CFAP61: variants seen among roughly 807,000 people sequenced by gnomAD.
The protein encoded by CFAP61 is cilia- and flagella-associated protein 61.
A neutral mutation model predicts 135.6 loss-of-function variants in CFAP61; 107 were observed. The ratio of observed to expected loss-of-function variants is 0.79; its 90% CI spans 0.67 to 0.93. The LOEUF is 0.93. CFAP61 is among the 40% of genes least tolerant of loss of function. CFAP61 has a pLI of 0.00. For missense variants in CFAP61, 1,507 were observed against 1,556.2 expected, an observed-to-expected ratio of 0.97 and a Z score of 0.53; for synonymous variants, 575 against 578.5, an observed-to-expected ratio of 0.99 and a Z score of 0.09.
intron 9 of CFAP61, among the ~76,000 whole-genome samples, chr20:20,152,131 GGAGA>G (rs1428712986): frequency 6.6e-6 from 1 of 152,088 alleles, no homozygotes; most frequent in African/African-American, 2.4e-5. Flanking sequence ...CATAAATGAA[GGAGA>G]GAGAAAGTGT....
chr20:20,083,090 C>T (rs1349096349), intron 6 of CFAP61, among the ~76,000 whole-genome samples: 1 of 152,174 alleles, frequency 6.6e-6, no homozygotes, highest in Non-Finnish European at 1.5e-5. Flanking sequence ...TGGAACCAAC[C>T]TAAGTGCCCA....
intron 8 of CFAP61, among the ~76,000 whole-genome samples, chr20:20,102,901 T>A (rs981683882): frequency 6.6e-6 from 1 of 152,186 alleles, no homozygotes; most frequent in Non-Finnish European, 1.5e-5. Context: ...CATTCTTAAA[T>A]GAATCCAGAG....
At chr20:20,327,427 T>C (rs1268655755) in intron 25 of CFAP61, among the ~76,000 whole-genome samples, 8 of 152,136 alleles carry the variant, frequency 5.3e-5, no homozygotes, top group Non-Finnish European at 2.9e-5. Context: ...ATTAGGAACA[T>C]TAATGCACCT....
intron 8 of CFAP61, among the ~76,000 whole-genome samples, chr20:20,124,766 A>C (rs1057497097): frequency 6.6e-6 from 1 of 151,736 alleles, no homozygotes; most frequent in East Asian, 1.9e-4. Flanking sequence ...TTCTTTCTCT[A>C]TCTTGTGGAA....
chr20:20,125,783 C>T (rs988486062), intron 8 of CFAP61, among the ~76,000 whole-genome samples: 6 of 151,752 alleles, frequency 4.0e-5, no homozygotes, highest in Non-Finnish European at 8.8e-5. Context: ...GACTTTTTGT[C>T]TTGATGACCT....
intron 8 of CFAP61, among the ~76,000 whole-genome samples, chr20:20,120,715 A>T (rs2049544319): frequency 6.6e-6 from 1 of 152,200 alleles, no homozygotes; most frequent in Non-Finnish European, 1.5e-5. Context: ...TCTGTCTACT[A>T]CTGAGAGTGG....
At chr20:20,171,576 GT>G (rs2054226746) in intron 13 of CFAP61, among the ~76,000 whole-genome samples, 1 of 152,104 alleles carries the variant, frequency 6.6e-6, no homozygotes, top group Admixed American at 6.5e-5. Context: ...TTTCGTTCAT[GT>G]TTTTGTTGTT....
rs2050750021 is a variant in CFAP61 at position 20,249,870 on chromosome 20, T to A, written c.2160-1725T>A. 3.3e-5 allele frequency among the ~76,000 whole-genome samples: 5 copies of A among 152,222 alleles called. No homozygotes were observed. The South Asian group carries it at 8.3e-4, about 25-fold the overall frequency. Reference sequence around the variant, plus strand: ...TCGTGGATGGCTTAGAGTAGGGATCTGGAGCAGATAAAAAACAATCTTTCA... The same window carrying A: ...TCGTGGATGGCTTAGAGTAGGGATCAGGAGCAGATAAAAAACAATCTTTCA... On this transcript the variant is annotated intron_variant, in intron 19 of 26. Transcript: ENST00000245957.
At chr20:20,111,711 T>C (rs2048813678) in intron 8 of CFAP61, among the ~76,000 whole-genome samples, 1 of 152,182 alleles carries the variant, frequency 6.6e-6, no homozygotes. Flanking sequence ...ATAAGATATT[T>C]CATTTCTGTT....
At chr20:20,212,896 C>A (rs2047756020) in intron 17 of CFAP61, among the ~76,000 whole-genome samples, 3 of 152,194 alleles carry the variant, frequency 2.0e-5, no homozygotes, top group Admixed American at 6.5e-5. Context: ...AGGCACATCC[C>A]TGCCACATAG....
chr20:20,138,698 A>G (rs1219759651), intron 8 of CFAP61, among the ~76,000 whole-genome samples: 3 of 152,224 alleles, frequency 2.0e-5, no homozygotes, highest in Admixed American at 6.5e-5. Flanking sequence ...GGTTCTTATG[A>G]AGGTGCTTTG....
intron 23 of CFAP61, among the ~76,000 whole-genome samples, chr20:20,289,561 G>A (rs1380745053): frequency 6.6e-6 from 1 of 152,150 alleles, no homozygotes; most frequent in Non-Finnish European, 1.5e-5. Context: ...TCCCTTCCTG[G>A]AGGTTTATAG....
chr20:20,123,772 A>G (rs984001180), intron 8 of CFAP61, among the ~76,000 whole-genome samples: 11 of 151,474 alleles, frequency 7.3e-5, no homozygotes, highest in Non-Finnish European at 1.2e-4. Context: ...GTGAAGAATG[A>G]TGGTGGTATT....
chr20:20,091,080 C>T, intron 7 of CFAP61, 104 bp downstream of exon 7: 2 of 1,319,828 alleles, frequency 1.5e-6, no homozygotes, highest in South Asian at 1.3e-5. Flanking sequence ...CCATTGTCTC[C>T]CTGGCCACCC....
At chr20:20,259,013 G>A (rs1368358464) in intron 20 of CFAP61, among the ~76,000 whole-genome samples, 1 of 152,090 alleles carries the variant, frequency 6.6e-6, no homozygotes, top group Admixed American at 6.5e-5. Context: ...TCCCTTTCTT[G>A]TTGCTTCCCT....
intron 8 of CFAP61, among the ~76,000 whole-genome samples, chr20:20,108,357 A>G (rs552314923): frequency 5.9e-5 from 9 of 152,214 alleles, no homozygotes; most frequent in Non-Finnish European, 1.0e-4. Flanking sequence ...TAATCATAAT[A>G]CTAAAAATGA....
chr20:20,320,327 T>TG (rs1377395474), intron 25 of CFAP61, among the ~76,000 whole-genome samples: 1 of 95,056 alleles, frequency 1.1e-5, no homozygotes, highest in Non-Finnish European at 2.0e-5. Context: ...TATATAGATA[T>TG]ATATATATTA....
At chr20:20,283,256 T>C (rs2054334148) in intron 22 of CFAP61, among the ~76,000 whole-genome samples, 1 of 152,234 alleles carries the variant, frequency 6.6e-6, no homozygotes, top group African/African-American at 2.4e-5. Flanking sequence ...ATAGTTGTTA[T>C]ATCTGCCTTG....
chr20:20,298,383 A>T lies in CFAP61; in HGVS notation c.3419A>T (p.Tyr1140Phe), dbSNP rs1490771531. 1.9e-6 allele frequency: 3 copies of T among 1,613,052 alleles called. No individual in the cohort carries two copies. The Admixed American group carries it at 5.0e-5, about 27-fold the overall frequency. Reference sequence around the variant, plus strand: ...GATGAAAACCTGATCACAGATCTCTATAGGTGAGTTGGACATTGCATTTGA... The same window carrying T: ...GATGAAAACCTGATCACAGATCTCTTTAGGTGAGTTGGACATTGCATTTGA... Reference protein sequence around the residue: ...RYDENLITDLYSYFTEPWCLA... With the variant: ...RYDENLITDLFSYFTEPWCLA... The change falls in exon 25 of 27, where the codon TAT becomes TTT. Residue 1140 changes from tyrosine to phenylalanine, a missense_variant. Tyr to Phe is a conservative substitution (Grantham distance 22). Transcript: ENST00000245957.
Sources: allele counts gnomAD v4.1 joint callset (sites outside exome capture counted in the v4.1 genomes callset), GRCh38; gene constraint gnomAD v4.1.1; transcripts MANE v1.5; gene names NCBI Gene and HGNC (gene_info 2026-07-23, HGNC 2026-07-21).